Variants in CTNNA3 observed in about 807,000 individuals in gnomAD.
CTNNA3 encodes the protein catenin alpha-3.
A neutral mutation model predicts 95.7 loss-of-function variants in CTNNA3; 76 were observed. The observed-to-expected ratio is 0.79, with a 90% CI of 0.66 to 0.96. The LOEUF (loss-of-function observed/expected upper bound fraction) is 0.96, where lower values mean the gene tolerates loss of function less well. Ranked by LOEUF, CTNNA3 falls within the 40% of genes least tolerant of loss-of-function variation. The probability of loss-of-function intolerance (pLI) is 0.00; values close to 1 mark genes in which losing one functional copy is unlikely to be tolerated. For missense variants in CTNNA3, 1,191 were observed against 1,089.8 expected (o/e 1.09, Z -1.31); for synonymous variants, 431 against 374.4 (o/e 1.15, Z -1.74).
At chr10:67,252,166 G>T (rs1183229038) in intron 5 of CTNNA3, among the ~76,000 whole-genome samples, 1 of 149,930 alleles carries the variant, frequency 6.7e-6, no homozygotes, top group Non-Finnish European at 1.5e-5. Flanking sequence ...AGCAGAGATT[G>T]TGCCACTGCC....
At chr10:67,403,663 TG>T (rs1845013535) in intron 5 of CTNNA3, among the ~76,000 whole-genome samples, 1 of 151,978 alleles carries the variant, frequency 6.6e-6, no homozygotes, top group Non-Finnish European at 1.5e-5. Context: ...CAAAACTATA[TG>T]GGGGTGAAGG....
At chr10:67,348,935 T>G (rs893492700) in intron 5 of CTNNA3, among the ~76,000 whole-genome samples, 2 of 152,124 alleles carry the variant, frequency 1.3e-5, no homozygotes, top group Non-Finnish European at 2.9e-5. Flanking sequence ...ACAGACTATG[T>G]CACAGTATCT....
rs78261086 is a variant in CTNNA3, at chr10:66,301,244, A to G, written c.1733-20623T>C. Among the ~76,000 whole-genome samples, 1,222 of 152,070 alleles carry G rather than the reference A, an allele frequency of 8.0e-3. 13 individuals are homozygous for G. Among genetic ancestry groups the G allele is most frequent in the African/African-American group, 0.028 (1,161 of 41,498 alleles). ...GACTCACTGGTTAATTCTACCAAAC[A>G]CTGAAGGAGGAAATTATACCAATTC... On this transcript the variant is annotated intron_variant, in intron 12 of 17. Transcript: ENST00000433211.
intron 7 of CTNNA3, among the ~76,000 whole-genome samples, chr10:66,854,924 C>T (rs1843633941): frequency 6.6e-6 from 1 of 151,738 alleles, no homozygotes; most frequent in Non-Finnish European, 1.5e-5. Flanking sequence ...CTTTACTTAA[C>T]CTCTAAGTCT....
Position 67,670,753 on chromosome 10 carries a change from A to T in CTNNA3, c.-5-23235T>A, listed in dbSNP as rs1459004559. Among the ~76,000 whole-genome samples the T allele has an allele frequency of 4.6e-5, 7 of 152,290 alleles. No individual in the cohort carries two copies. In the East Asian group the frequency reaches 1.4e-3, roughly 29 times the overall value. On this transcript the variant is annotated intron_variant, in intron 1 of 17. Transcript: ENST00000433211. Reference sequence around the variant, plus strand: ...GTTTTATTTTTTGTTTTCATAGTCTATATTCCCTGTTCTCAGTTCCATTCC... The same window carrying T: ...GTTTTATTTTTTGTTTTCATAGTCTTTATTCCCTGTTCTCAGTTCCATTCC...
At chr10:67,464,600 C>T (rs770673573) in intron 5 of CTNNA3, among the ~76,000 whole-genome samples, 2 of 152,090 alleles carry the variant, frequency 1.3e-5, no homozygotes, top group Non-Finnish European at 2.9e-5. Flanking sequence ...TGTACATACA[C>T]TGAATATATA....
chr10:66,480,179 A>C (rs1385949237), intron 11 of CTNNA3, among the ~76,000 whole-genome samples: 1 of 152,086 alleles, frequency 6.6e-6, no homozygotes, highest in Non-Finnish European at 1.5e-5. Flanking sequence ...AACTAGAGAA[A>C]TTCAATTTCT....
intron 7 of CTNNA3, among the ~76,000 whole-genome samples, chr10:66,814,316 A>G (rs1841997270): frequency 6.6e-6 from 1 of 151,942 alleles, no homozygotes; most frequent in South Asian, 2.1e-4. Flanking sequence ...TGCAAGACAG[A>G]GGAAACTAGA....
intron 15 of CTNNA3, among the ~76,000 whole-genome samples, chr10:66,044,815 T>C (rs752189782): frequency 6.6e-6 from 1 of 152,230 alleles, no homozygotes; most frequent in Non-Finnish European, 1.5e-5. Context: ...CACCATTTAT[T>C]GTGTCGTCAC....
At position 66,055,478 on chromosome 10, in the gene CTNNA3, G is replaced by A. The variant is rs184102531; in HGVS notation, c.2159+13830C>T. On this transcript the variant is annotated intron_variant, in intron 15 of 17. Coordinates refer to ENST00000433211, the MANE Select transcript of CTNNA3 (RefSeq NM_013266.4). ...GTATTTTATTTTATTTGTGGCTATT[G>A]TAATGGGATTACTTTCTTGGTTTCT... Among the ~76,000 whole-genome samples the A allele has an allele frequency of 2.2e-4, 34 of 152,026 alleles. No individual in the cohort carries two copies. The East Asian group carries it at 5.2e-3, about 23-fold the overall frequency.
At chr10:67,233,854 G>C (rs181241990) in intron 5 of CTNNA3, among the ~76,000 whole-genome samples, 1,783 of 152,192 alleles carry the variant, frequency 0.012, 25 homozygotes, top group Admixed American at 0.023. Flanking sequence ...CACAGAAATA[G>C]AAACTACCAT....
intron 9 of CTNNA3, among the ~76,000 whole-genome samples, chr10:66,764,954 C>T (rs1839780158): frequency 6.6e-6 from 1 of 152,176 alleles, no homozygotes; most frequent in Admixed American, 6.6e-5. Flanking sequence ...TTAGCTCCAA[C>T]TCTAATTAGC....
At chr10:66,758,039 CTTT>C (rs1191207950) in intron 9 of CTNNA3, among the ~76,000 whole-genome samples, 2 of 151,968 alleles carry the variant, frequency 1.3e-5, no homozygotes, top group Non-Finnish European at 1.5e-5. Flanking sequence ...CTTTTCTTTT[CTTT>C]TTATTATTTT....
intron 5 of CTNNA3, among the ~76,000 whole-genome samples, chr10:67,260,814 A>C (rs1037789181): frequency 6.6e-6 from 1 of 151,822 alleles, no homozygotes; most frequent in Non-Finnish European, 1.5e-5. Flanking sequence ...CCTCCTGAGT[A>C]GCTGGGATTA....
intron 5 of CTNNA3, among the ~76,000 whole-genome samples, chr10:67,336,576 G>A (rs1039716583): frequency 3.3e-5 from 5 of 152,194 alleles, no homozygotes; most frequent in African/African-American, 1.2e-4. Flanking sequence ...TTTCAGTGTA[G>A]ACAAAACACC....
At chr10:67,525,316 C>A (rs969426010) in intron 4 of CTNNA3, among the ~76,000 whole-genome samples, 2 of 151,978 alleles carry the variant, frequency 1.3e-5, no homozygotes, top group African/African-American at 4.8e-5. Flanking sequence ...GCACTGTCAA[C>A]ACTCCCAGAG....
chr10:67,583,950 G>A (rs1432648325), intron 3 of CTNNA3, among the ~76,000 whole-genome samples: 5 of 151,972 alleles, frequency 3.3e-5, no homozygotes, highest in African/African-American at 1.2e-4. Flanking sequence ...TATTCTAGTT[G>A]GCCATTTGTC....
chr10:65,986,370 T>A (rs1325435332), intron 16 of CTNNA3, among the ~76,000 whole-genome samples: 3 of 147,436 alleles, frequency 2.0e-5, no homozygotes, highest in African/African-American at 7.4e-5. Context: ...TTCAATAAAG[T>A]TGAAGGATAT....
chr10:67,323,587 T>C (rs1429216026), intron 5 of CTNNA3, among the ~76,000 whole-genome samples: 1 of 152,210 alleles, frequency 6.6e-6, no homozygotes, highest in Non-Finnish European at 1.5e-5. Context: ...TCTGTTCTTG[T>C]ACCAGTACCA....
Sources: allele counts gnomAD v4.1 joint callset (sites outside exome capture counted in the v4.1 genomes callset), GRCh38; gene constraint gnomAD v4.1.1; transcripts MANE v1.5; gene names NCBI Gene and HGNC (gene_info 2026-07-23, HGNC 2026-07-21).